The following SAMD12 variants were observed in gnomAD, a reference collection of about 807,000 sequenced individuals.
SAMD12 encodes the protein sterile alpha motif domain-containing protein 12.
SAMD12 carries 9 observed loss-of-function variants against 15.0 expected under a neutral mutation model. That is an observed-to-expected ratio of 0.60 (90% CI 0.36 to 1.05). The LOEUF (loss-of-function observed/expected upper bound fraction) is 1.05. Among genes scored for constraint, SAMD12 ranks in the 50% least tolerant of loss-of-function variants. The probability of loss-of-function intolerance (pLI) is 0.01; values close to 1 mark genes in which losing one functional copy is unlikely to be tolerated. For synonymous variants in SAMD12, 86 were observed against 90.1 expected, an observed-to-expected ratio of 0.96 and a Z score of 0.25; for missense variants, 230 against 234.2, an observed-to-expected ratio of 0.98 and a Z score of 0.12.
intron 4 of SAMD12, among the ~76,000 whole-genome samples, chr8:118,355,191 G>A (rs780324134): frequency 3.3e-5 from 5 of 152,186 alleles, no homozygotes; most frequent in Non-Finnish European, 7.4e-5. Context: ...ATACACATAC[G>A]ATGGAATACT....
intron 4 of SAMD12, among the ~76,000 whole-genome samples, chr8:118,337,511 C>A (rs1415895268): frequency 1.3e-5 from 2 of 152,146 alleles, no homozygotes; most frequent in African/African-American, 2.4e-5. Context: ...CTAGGGTCAA[C>A]CTCAGCCTAA....
chr8:118,230,106 T>C (rs538095519), intron 4 of SAMD12, among the ~76,000 whole-genome samples: 1 of 150,766 alleles, frequency 6.6e-6, no homozygotes, highest in South Asian at 2.1e-4. Context: ...GGAGAGGGAG[T>C]AAAAGGAGTA....
intron 4 of SAMD12, among the ~76,000 whole-genome samples, chr8:118,268,323 C>T (rs1813257485): frequency 6.6e-6 from 1 of 152,184 alleles, no homozygotes; most frequent in African/African-American, 2.4e-5. Context: ...TTAGTGTTTA[C>T]TCTTCAGCAC....
At chr8:118,168,169 C>G in the SAMD12 span, among the ~76,000 whole-genome samples, 1 of 152,302 alleles carries the variant, frequency 6.6e-6, no homozygotes, top group East Asian at 1.9e-4. Context: ...ACTTCTTTTT[C>G]TTCCCAGTCT....
chr8:118,401,337 G>A (rs3849854), intron 3 of SAMD12, among the ~76,000 whole-genome samples: 36,574 of 151,942 alleles, frequency 0.24, 4,516 homozygotes, highest in East Asian at 0.27. Context: ...GTTCCTTTTC[G>A]CCTCAGGTCC....
chr8:118,358,833 G>T (rs981470425), intron 4 of SAMD12, among the ~76,000 whole-genome samples: 2 of 152,170 alleles, frequency 1.3e-5, no homozygotes, highest in African/African-American at 4.8e-5. Context: ...GGATACTCCA[G>T]GGATGAAAGT....
the SAMD12 span, among the ~76,000 whole-genome samples, chr8:118,144,465 G>T: frequency 6.6e-6 from 1 of 152,046 alleles, no homozygotes; most frequent in Non-Finnish European, 1.5e-5. Context: ...CTAGCACAGT[G>T]CCTGGGACAT....
intron 4 of SAMD12, among the ~76,000 whole-genome samples, chr8:118,345,476 G>C (rs1817589177): frequency 1.3e-5 from 2 of 152,228 alleles, no homozygotes; most frequent in Admixed American, 1.3e-4. Context: ...GGAAAGGTTA[G>C]TAGTGGTACA....
At chr8:118,475,756 A>G (rs1335005521) in intron 2 of SAMD12, among the ~76,000 whole-genome samples, 2 of 152,260 alleles carry the variant, frequency 1.3e-5, no homozygotes, top group Non-Finnish European at 2.9e-5. Flanking sequence ...AGATTTGGTT[A>G]TAGAAGCCTT....
chr8:118,591,650 C>T (rs949775808), intron 1 of SAMD12, among the ~76,000 whole-genome samples: 1 of 151,830 alleles, frequency 6.6e-6, no homozygotes, highest in Non-Finnish European at 1.5e-5. Flanking sequence ...AAAAAACAAA[C>T]TAAAGTATAA....
chr8:118,517,836 A>G (rs1050329884), intron 2 of SAMD12, among the ~76,000 whole-genome samples: 2 of 152,202 alleles, frequency 1.3e-5, no homozygotes, highest in Non-Finnish European at 2.9e-5. Context: ...ACTCATACCT[A>G]CTACTTCCAG....
chr8:118,465,229 C>G (rs547927156), intron 2 of SAMD12, among the ~76,000 whole-genome samples: 1 of 152,262 alleles, frequency 6.6e-6, no homozygotes, highest in East Asian at 1.9e-4. Flanking sequence ...ACTTCACAGC[C>G]AAGGGTGAGA....
At chr8:118,525,035 C>A (rs1465624801) in intron 2 of SAMD12, among the ~76,000 whole-genome samples, 1 of 152,198 alleles carries the variant, frequency 6.6e-6, no homozygotes, top group Admixed American at 6.5e-5. Flanking sequence ...CAAAACTGCT[C>A]ACAATAGTCT....
chr8:118,261,326 C>T (rs1813071578), intron 4 of SAMD12, among the ~76,000 whole-genome samples: 2 of 152,116 alleles, frequency 1.3e-5, no homozygotes, highest in South Asian at 4.1e-4. Context: ...CACTGCTAAC[C>T]TCAAACACAA....
chr8:118,304,498 C>T (rs907314571), intron 4 of SAMD12, among the ~76,000 whole-genome samples: 1 of 152,112 alleles, frequency 6.6e-6, no homozygotes, highest in Non-Finnish European at 1.5e-5. Flanking sequence ...CAGTGGCTCA[C>T]GCCTGTAATC....
At chr8:118,353,605 A>C (rs1392439747) in intron 4 of SAMD12, among the ~76,000 whole-genome samples, 2 of 152,168 alleles carry the variant, frequency 1.3e-5, no homozygotes, top group Non-Finnish European at 2.9e-5. Context: ...TCTGTGGTTT[A>C]AGTTACCCAG....
intron 3 of SAMD12, among the ~76,000 whole-genome samples, chr8:118,433,046 C>G (rs1822461067): frequency 6.6e-6 from 1 of 152,204 alleles, no homozygotes; most frequent in Non-Finnish European, 1.5e-5. Flanking sequence ...CACAGGGGGA[C>G]ATGTACCTAT....
chr8:118,251,149 G>T (rs1331807913), intron 4 of SAMD12, among the ~76,000 whole-genome samples: 5 of 152,128 alleles, frequency 3.3e-5, no homozygotes, highest in Admixed American at 6.5e-5. Flanking sequence ...GAGTGGTCAA[G>T]TGGTCGTGGG....
At chr8:118,430,603 A>C (rs1173846168) in intron 3 of SAMD12, among the ~76,000 whole-genome samples, 2 of 152,082 alleles carry the variant, frequency 1.3e-5, no homozygotes, top group African/African-American at 4.8e-5. Context: ...CTTGTGATCC[A>C]TCCGCCTTGG....
Sources: allele counts gnomAD v4.1 joint callset (sites outside exome capture counted in the v4.1 genomes callset), GRCh38; gene constraint gnomAD v4.1.1; transcripts MANE v1.5; gene names NCBI Gene and HGNC (gene_info 2026-07-23, HGNC 2026-07-21).